The following CSMD1 variants were observed in gnomAD, a reference collection of about 807,000 sequenced individuals.
The protein encoded by CSMD1 is CUB and sushi domain-containing protein 1.
A neutral mutation model predicts 417.5 loss-of-function variants in CSMD1; 213 were observed. That is an observed-to-expected ratio of 0.51 (90% confidence interval 0.46 to 0.57). CSMD1 has a LOEUF of 0.57. Among genes scored for constraint, CSMD1 ranks in the 20% least tolerant of loss-of-function variants. The probability of loss-of-function intolerance (pLI) is 0.00; values close to 1 mark genes in which losing one functional copy is unlikely to be tolerated. For synonymous variants in CSMD1, 2,862 were observed against 1,736.8 expected, an observed-to-expected ratio of 1.65 and a Z score of -16.11; for missense variants, 6,923 against 4,529.7, an observed-to-expected ratio of 1.53 and a Z score of -15.17.
chr8:4,099,286 C>G (rs559261030), intron 3 of CSMD1, among the ~76,000 whole-genome samples: 1 of 152,000 alleles, frequency 6.6e-6, no homozygotes, highest in African/African-American at 2.4e-5. Flanking sequence ...TCGCCTCTAT[C>G]CTTATTATCT....
chr8:4,473,855 T>C (rs1355751000), intron 2 of CSMD1, among the ~76,000 whole-genome samples: 1 of 152,160 alleles, frequency 6.6e-6, no homozygotes, highest in African/African-American at 2.4e-5. Flanking sequence ...GATCGTAGCA[T>C]ATATAAGAAT....
intron 5 of CSMD1, among the ~76,000 whole-genome samples, chr8:3,865,736 A>G (rs1443481862): frequency 6.6e-6 from 1 of 152,180 alleles, no homozygotes; most frequent in Non-Finnish European, 1.5e-5. Context: ...TTCACAGCTT[A>G]CATGCTAATG....
At chr8:3,637,763 T>G (rs1797120736) in intron 7 of CSMD1, among the ~76,000 whole-genome samples, 1 of 152,188 alleles carries the variant, frequency 6.6e-6, no homozygotes, top group Non-Finnish European at 1.5e-5. Context: ...TCTTGAATTG[T>G]AGCTCCCATA....
chr8:4,899,629 G>A (rs1171804671), intron 1 of CSMD1, among the ~76,000 whole-genome samples: 2 of 152,074 alleles, frequency 1.3e-5, no homozygotes, highest in African/African-American at 4.8e-5. Flanking sequence ...AACATATAGG[G>A]TTTTGTCTGT....
intron 5 of CSMD1, among the ~76,000 whole-genome samples, chr8:3,926,735 T>C (rs1033262155): frequency 1.4e-5 from 2 of 148,114 alleles, no homozygotes; most frequent in African/African-American, 5.0e-5. Context: ...TTTTTTTTTT[T>C]TTATGGAGTC....
At chr8:3,133,299 CT>C (rs1272992577) in intron 41 of CSMD1, among the ~76,000 whole-genome samples, 1 of 152,210 alleles carries the variant, frequency 6.6e-6, no homozygotes, top group Non-Finnish European at 1.5e-5. Context: ...TCTCACTGCT[CT>C]CTCAACAGGA....
intron 3 of CSMD1, among the ~76,000 whole-genome samples, chr8:4,124,086 C>G (rs190165550): frequency 1.3e-5 from 2 of 150,440 alleles, no homozygotes; most frequent in East Asian, 3.9e-4. Context: ...CACAGAACAA[C>G]GAAGAAAAAA....
intron 1 of CSMD1, among the ~76,000 whole-genome samples, chr8:4,957,689 A>C (rs1340615411): frequency 1.3e-5 from 2 of 152,222 alleles, no homozygotes; most frequent in Non-Finnish European, 2.9e-5. Flanking sequence ...ACTCATTGCT[A>C]TAGTAAGATT....
intron 1 of CSMD1, among the ~76,000 whole-genome samples, chr8:4,938,071 A>C (rs971357416): frequency 1.9e-4 from 29 of 152,180 alleles, no homozygotes; most frequent in Non-Finnish European, 4.0e-4. Context: ...TTTCCAAATG[A>C]TTAAAATTTT....
chr8:4,702,502 A>T (rs1584966400), intron 1 of CSMD1, among the ~76,000 whole-genome samples: 2 of 152,208 alleles, frequency 1.3e-5, no homozygotes, highest in East Asian at 3.9e-4. Context: ...TTTTAATAAC[A>T]GGGAAAATAA....
At chr8:3,667,309 TAA>T (rs1171024930) in intron 7 of CSMD1, among the ~76,000 whole-genome samples, 5 of 152,034 alleles carry the variant, frequency 3.3e-5, no homozygotes, top group Non-Finnish European at 5.9e-5. Flanking sequence ...TAAGGAAAGA[TAA>T]AAAGAGAGTG....
At chr8:3,292,656 CT>C (rs1228631983) in intron 25 of CSMD1, among the ~76,000 whole-genome samples, 1 of 151,918 alleles carries the variant, frequency 6.6e-6, no homozygotes, top group Non-Finnish European at 1.5e-5. Context: ...CAACCCCTGC[CT>C]TTTTTGTTTT....
At chr8:4,183,228 A>C (rs984494001) in intron 3 of CSMD1, among the ~76,000 whole-genome samples, 2 of 152,196 alleles carry the variant, frequency 1.3e-5, no homozygotes, top group Non-Finnish European at 2.9e-5. Context: ...AAAATGGAGA[A>C]GATCATCTCT....
At chr8:3,529,307 C>G (rs1006410796) in intron 10 of CSMD1, among the ~76,000 whole-genome samples, 5 of 152,140 alleles carry the variant, frequency 3.3e-5, no homozygotes, top group African/African-American at 1.2e-4. Context: ...GCAAAATAAG[C>G]AGCTTTGAAG....
At chr8:3,481,925 G>A (rs1817771335) in intron 11 of CSMD1, among the ~76,000 whole-genome samples, 1 of 152,188 alleles carries the variant, frequency 6.6e-6, no homozygotes, top group African/African-American at 2.4e-5. Flanking sequence ...GAGCCACCAA[G>A]TTTGTGGAAT....
chr8:3,737,909 G>GC (rs1467441198), intron 6 of CSMD1, among the ~76,000 whole-genome samples: 1 of 152,156 alleles, frequency 6.6e-6, no homozygotes, highest in Non-Finnish European at 1.5e-5. Context: ...ACTCTGACTT[G>GC]CTTGTGTTCT....
At chr8:4,495,570 A>G (rs1331015689) in intron 2 of CSMD1, among the ~76,000 whole-genome samples, 1 of 140,334 alleles carries the variant, frequency 7.1e-6, no homozygotes, top group Non-Finnish European at 1.6e-5. Context: ...GCAAGACTCC[A>G]TCTCAGAAAA....
chr8:4,336,944 A>G (rs886767262), intron 3 of CSMD1, among the ~76,000 whole-genome samples: 3 of 152,090 alleles, frequency 2.0e-5, no homozygotes, highest in African/African-American at 4.8e-5. Context: ...TGTAGGCTAC[A>G]ATGTTGAAAT....
intron 31 of CSMD1, among the ~76,000 whole-genome samples, chr8:3,204,413 T>A (rs950929182): frequency 1.5e-4 from 23 of 149,614 alleles, no homozygotes; most frequent in Non-Finnish European, 1.1e-4. Context: ...AAAAAAAAAA[T>A]TATTTCATTC....
Sources: allele counts gnomAD v4.1 joint callset (sites outside exome capture counted in the v4.1 genomes callset), GRCh38; gene constraint gnomAD v4.1.1; transcripts MANE v1.5; gene names NCBI Gene and HGNC (gene_info 2026-07-23, HGNC 2026-07-21).